The following APOC2 variants were observed in gnomAD, a reference collection of about 807,000 sequenced individuals.
APOC2 encodes the protein apolipoprotein C-II.
In APOC2, 6 loss-of-function variants were observed where a neutral mutation model predicts 10.2. The observed-to-expected ratio is 0.59, with a 90% CI of 0.32 to 1.16. The LOEUF is 1.16. Ranked by LOEUF, APOC2 falls within the 50% of genes most tolerant of loss-of-function variation. APOC2 has a pLI of 0.05. For missense variants in APOC2, 110 were observed against 117.6 expected (o/e 0.94, Z 0.30); for synonymous variants, 56 against 48.5 (o/e 1.15, Z -0.64).
intron 1 of APOC2, among the ~76,000 whole-genome samples, 159 bp downstream of exon 1, chr19:44,946,234 T>TGTGTGTGTGTGA (rs1236986911): frequency 1.3e-3 from 172 of 132,886 alleles, no homozygotes; most frequent in African/African-American, 4.4e-3. Context: ...TGTGTGTGTG[T>TGTGTGTGTGTGA]GAGAGAGAGA....
intron 1 of APOC2, among the ~76,000 whole-genome samples, 160 bp downstream of exon 1, chr19:44,946,235 G>C (rs970348360): frequency 4.2e-5 from 5 of 119,508 alleles, no homozygotes; most frequent in Non-Finnish European, 8.3e-5. Flanking sequence ...GTGTGTGTGT[G>C]AGAGAGAGAG....
chr19:44,949,043 C>T (rs573032402), intron 3 of APOC2, 116 bp from the exon 4 acceptor site: 3 of 1,077,950 alleles, frequency 2.8e-6, no homozygotes, highest in African/African-American at 3.5e-5. Flanking sequence ...AGTCCAGGCC[C>T]CCAGCCCCTC....
chr19:44,948,336 A>T lies in APOC2; in HGVS notation c.-13-130A>T, dbSNP rs912906109. 1.0e-5 allele frequency: 8 copies of T among 775,866 alleles called. No individual in the cohort carries two copies. In the African/African-American group the frequency reaches 1.4e-4, roughly 13 times the overall value. The allele number at this position is 775,866 out of a possible 1,614,324, so 48.1% of individuals were successfully genotyped here. On this transcript the variant is annotated intron_variant, in intron 1 of 3. Coordinates refer to ENST00000252490, the MANE Select transcript of APOC2 (RefSeq NM_000483.5). ...AAGGGGGCTGTGTCCAAGTCCATGC[A>T]TGGGAAACTTGACTGGGACACCGAG... is the stretch of plus-strand genomic sequence containing the variant.
intron 1 of APOC2, among the ~76,000 whole-genome samples, chr19:44,946,414 G>C (rs1374860063): frequency 6.6e-6 from 1 of 152,142 alleles, no homozygotes. Context: ...CTTAGAGTTA[G>C]GGTGGCTGAG....
chr19:44,947,073 A>G (rs534606011), intron 1 of APOC2: 1 of 152,002 alleles, frequency 6.6e-6, no homozygotes, highest in Admixed American at 6.6e-5. Flanking sequence ...AATCGCTCGA[A>G]CCCGGAAGAC....
At chr19:44,946,203 GT>G (rs1233398246) in intron 1 of APOC2, 128 bp downstream of exon 1, 1 of 101,128 alleles carries the variant, frequency 9.9e-6, no homozygotes, top group Non-Finnish European at 2.4e-5. Context: ...GTGTGTGTGT[GT>G]GTGTGTGTGT....
intron 1 of APOC2, 85 bp from the exon 2 acceptor site, chr19:44,948,381 C>T (rs948406725): frequency 7.2e-5 from 83 of 1,159,896 alleles, no homozygotes; most frequent in Non-Finnish European, 1.0e-4. Context: ...AGCAGGATCT[C>T]AGTCCCCCCC....
Position 44,949,560 on chromosome 19 carries a change from C to A in APOC2, c.*311C>A. 1 of 353,870 alleles carries A rather than the reference C, an allele frequency of 2.8e-6. No homozygotes were observed. The highest frequency in any genetic ancestry group is 5.3e-6 in the Non-Finnish European group (1 of 189,650). The allele number at this position is 353,870 out of a possible 1,614,324, so 21.9% of individuals were successfully genotyped here. A position where few individuals can be genotyped will look rare whatever the true frequency, so the allele number is the denominator to read the frequency against. On this transcript the variant is annotated 3_prime_UTR_variant, in exon 4 of 4. Transcript: ENST00000252490. The stretch of plus-strand genomic sequence containing the variant: ...GAATAGTAACAATAAATAATCGTAA[C>A]AGCAATTAGAGACTAATCTTTATTG...
intron 1 of APOC2, among the ~76,000 whole-genome samples, chr19:44,947,922 A>C (rs540013556): frequency 5.9e-5 from 9 of 152,316 alleles, no homozygotes; most frequent in African/African-American, 1.7e-4. Context: ...ACAAAATATT[A>C]GCCGGGCATG....
chr19:44,948,757 A>G lies in APOC2; in HGVS notation c.112A>G (p.Thr38Ala). The G allele has an allele frequency of 6.2e-7, 1 of 1,614,062 alleles. No individual in the cohort carries two copies. The highest frequency in any genetic ancestry group is 1.3e-5 in the African/African-American group (1 of 75,000). ...TGAGATGCCTAGCCCGACCTTCCTCACCCAGGTGAAGGAATCTCTCTCCAG... is the reference window on the plus strand; with the variant it reads ...TGAGATGCCTAGCCCGACCTTCCTCGCCCAGGTGAAGGAATCTCTCTCCAG... ...QDEMPSPTFL[T>A]QVKESLSSYW... The change falls in exon 3 of 4, where the codon ACC becomes GCC. Residue 38 changes from threonine (T) to alanine (A), a missense_variant. Coordinates refer to ENST00000252490, the MANE Select transcript of APOC2 (RefSeq NM_000483.5).
chr19:44,949,304 C>G lies in APOC2; in HGVS notation c.*55C>G. ...GAGAGTCCCCTACTCCCCTGATCCC[C>G]CAGGTTCAGACTGAGCTCCCCCTTC... On this transcript the variant is annotated 3_prime_UTR_variant, in exon 4 of 4. Coordinates refer to ENST00000252490, the MANE Select transcript of APOC2 (RefSeq NM_000483.5). 1 of 1,449,176 alleles carries G rather than the reference C, an allele frequency of 6.9e-7. No individual in the cohort carries two copies. Among genetic ancestry groups the G allele is most frequent in the Non-Finnish European group, 9.6e-7 (1 of 1,040,498 alleles). 89.8% of individuals were successfully genotyped at this position (1,449,176 alleles called of 1,614,324 possible).
Position 44,948,495 on chromosome 19 carries a change from T to C in APOC2, c.17T>C (p.Leu6Pro). 12 of 1,614,080 alleles carry C rather than the reference T, an allele frequency of 7.4e-6. No individual in the cohort carries two copies. Among genetic ancestry groups the C allele is most frequent in the Non-Finnish European group, 1.0e-5 (12 of 1,180,004 alleles). The change falls in exon 2 of 4, where the codon CTC (leucine) becomes CCC (proline). Residue 6 changes from leucine to proline, a missense_variant. Physicochemically the swap from Leu to Pro is moderately conservative, Grantham distance 98. Coordinates refer to ENST00000252490, the MANE Select transcript of APOC2 (RefSeq NM_000483.5). ...CTGGACACTATGGGCACACGACTCC[T>C]CCCAGCTCTGTTTCTTGTCCTCCTG... MGTRL[L>P]PALFLVLLVL... is the part of the protein sequence containing the mutation.
chr19:44,946,980 C>G (rs1225549109), intron 1 of APOC2, among the ~76,000 whole-genome samples: 1 of 152,022 alleles, frequency 6.6e-6, no homozygotes, highest in Non-Finnish European at 1.5e-5. Flanking sequence ...GGTGAAACCC[C>G]GTCTCTACTA....
Position 44,949,441 on chromosome 19 carries a change from A to C in APOC2, c.*192A>C. 1 of 621,114 alleles carries C rather than the reference A, an allele frequency of 1.6e-6. No homozygotes were observed. Among genetic ancestry groups the C allele is most frequent in the East Asian group, 2.8e-5 (1 of 35,386 alleles). The allele number at this position is 621,114 out of a possible 1,614,324, so 38.5% of individuals were successfully genotyped here. On this transcript the variant is annotated 3_prime_UTR_variant, in exon 4 of 4. Coordinates refer to ENST00000252490, the MANE Select transcript of APOC2 (RefSeq NM_000483.5). ...CTGCTTTTCTGAGGACTCAAGGGCC[A>C]AGATGGAGGGGCTGACTCAGTCCAG...
chr19:44,949,259 C>A lies in APOC2; in HGVS notation c.*10C>A, dbSNP rs375192208. 1.9e-6 allele frequency: 3 copies of A among 1,611,454 alleles called. No homozygotes were observed. In the Admixed American group the frequency reaches 5.0e-5, roughly 27 times the overall value. On this transcript the variant is annotated 3_prime_UTR_variant, in exon 4 of 4. Transcript: ENST00000252490. ...GAAGGGAGAGGAGTAACAGCCAGAC[C>A]CCCCATCAGTGGACAAGGGGAGAGT...
At position 44,948,822 on chromosome 19, in the gene APOC2, C is replaced by A. The variant is rs120074111; in HGVS notation, c.177C>A (p.Tyr59Ter). Residue 59 changes from tyrosine (Y) to a stop codon, truncating the protein, a stop_gained, in exon 3 of 4, where the codon TAC (tyrosine) becomes TAA (stop). Transcript: ENST00000252490. LOFTEE classifies it low-confidence loss of function (END_TRUNC). ...ESAKTAAQNLYEKTYLPAVDE... is the reference protein window; with the variant it reads ...ESAKTAAQNL The stretch of plus-strand genomic sequence containing the variant: ...CAAAGACAGCCGCCCAGAACCTGTA[C>A]GAGAAGACATACCTGCCCGCTGTAG... 1 of 1,613,962 alleles carries A rather than the reference C, an allele frequency of 6.2e-7. No homozygotes were observed. Among genetic ancestry groups the A allele is most frequent in the Non-Finnish European group, 8.5e-7 (1 of 1,180,024 alleles).
chr19:44,948,965 AG>A lies in APOC2; in HGVS notation c.215+107del, dbSNP rs2122210343. On this transcript the variant is annotated intron_variant, in intron 3 of 3. Coordinates refer to ENST00000252490, the MANE Select transcript of APOC2 (RefSeq NM_000483.5). ...CCTCCTCCCTCAGACCCAGGAGTCC[AG>A]GCCTCAGCCCCTCCTCCCTCAGACC... The A allele has an allele frequency of 2.0e-6, 3 of 1,495,358 alleles. No homozygotes were observed. The East Asian group carries it at 7.1e-5, about 36-fold the overall frequency. 92.6% of individuals were successfully genotyped at this position (1,495,358 alleles called of 1,614,324 possible).
In APOC2 at chr19:44,949,386, T is replaced by C. The variant is rs1970360110; in HGVS notation, c.*137T>C. On this transcript the variant is annotated 3_prime_UTR_variant, in exon 4 of 4. Transcript: ENST00000252490. ...AGCCTGAATTCTTTTCAATAAAAAA[T>C]ACAATTCAAGTTGCTTCTCATGGAT... 5.4e-6 allele frequency: 4 copies of C among 743,088 alleles called. No homozygotes were observed. The highest frequency in any genetic ancestry group is 2.1e-5 in the Admixed American group (1 of 48,320). 46.0% of individuals were successfully genotyped at this position (743,088 alleles called of 1,614,324 possible). A position where few individuals can be genotyped will look rare whatever the true frequency, so the allele number is the denominator to read the frequency against.
At chr19:44,946,793 G>C (rs1426877150) in intron 1 of APOC2, among the ~76,000 whole-genome samples, 1 of 152,118 alleles carries the variant, frequency 6.6e-6, no homozygotes. Context: ...CTGTACTCTA[G>C]CCTGGGTGAC....
Sources: gnomAD v4.1 joint callset for allele counts (sites outside exome capture counted in the v4.1 genomes callset) on GRCh38, gnomAD v4.1.1 for gene constraint, MANE v1.5 for transcripts, NCBI Gene and HGNC (gene_info 2026-07-23, HGNC 2026-07-21) for gene names.